ALDH1A2: variants seen among roughly 807,000 people sequenced by gnomAD.
ALDH1A2 encodes the protein retinal dehydrogenase 2.
In ALDH1A2, 27 loss-of-function variants were observed where a neutral mutation model predicts 60.3. The observed-to-expected ratio is 0.45, with a 90% confidence interval of 0.33 to 0.62. The LOEUF (loss-of-function observed/expected upper bound fraction) is 0.62, where lower values mean the gene tolerates loss of function less well. Among genes scored for constraint, ALDH1A2 ranks in the 20% least tolerant of loss-of-function variants. ALDH1A2 has a pLI of 0.02. For missense variants in ALDH1A2, 581 were observed against 643.8 expected (o/e 0.90, Z 1.06); for synonymous variants, 289 against 232.4 (o/e 1.24, Z -2.21).
At chr15:57,970,547 G>C (rs1037292457) in intron 7 of ALDH1A2, among the ~76,000 whole-genome samples, 3 of 152,144 alleles carry the variant, frequency 2.0e-5, no homozygotes, top group Non-Finnish European at 4.4e-5. Flanking sequence ...AAAATAATTT[G>C]TTATACAGGA....
intron 4 of ALDH1A2, among the ~76,000 whole-genome samples, chr15:57,998,434 A>G (rs1367878870): frequency 1.3e-5 from 2 of 152,002 alleles, no homozygotes; most frequent in Admixed American, 1.3e-4. Flanking sequence ...TAAATCATGA[A>G]TAAACTCCCA....
intron 1 of ALDH1A2, among the ~76,000 whole-genome samples, chr15:58,037,842 A>T (rs1223330347): frequency 6.6e-6 from 1 of 151,750 alleles, no homozygotes; most frequent in Admixed American, 6.6e-5. Flanking sequence ...GCAGTCTTTG[A>T]TCCACCTAGA....
intron 7 of ALDH1A2, among the ~76,000 whole-genome samples, chr15:57,974,130 A>T (rs1365730891): frequency 2.0e-5 from 3 of 152,206 alleles, no homozygotes; most frequent in African/African-American, 7.2e-5. Context: ...ACTGAAACAG[A>T]ACAGAGAGTA....
intron 7 of ALDH1A2, among the ~76,000 whole-genome samples, chr15:57,983,715 C>T (rs1426193111): frequency 6.6e-6 from 1 of 152,130 alleles, no homozygotes; most frequent in Non-Finnish European, 1.5e-5. Context: ...TCTCTTCTCT[C>T]CATGCTCCCA....
At chr15:57,958,741 C>T (rs974281050) in intron 12 of ALDH1A2, among the ~76,000 whole-genome samples, 1 of 152,152 alleles carries the variant, frequency 6.6e-6, no homozygotes, top group African/African-American at 2.4e-5. Flanking sequence ...CAAGACAGAG[C>T]AGCTTCTTTT....
chr15:58,061,789 A>G (rs1217126553), intron 1 of ALDH1A2, among the ~76,000 whole-genome samples: 2 of 152,104 alleles, frequency 1.3e-5, no homozygotes, highest in African/African-American at 2.4e-5. Flanking sequence ...GGATCAAACA[A>G]GATATATATG....
chr15:58,001,383 A>G (rs898136292), intron 4 of ALDH1A2, among the ~76,000 whole-genome samples: 1 of 151,912 alleles, frequency 6.6e-6, no homozygotes, highest in Non-Finnish European at 1.5e-5. Flanking sequence ...GTAAAAATAA[A>G]CAAAGAAAAA....
chr15:58,022,738 G>A (rs1275782350), intron 1 of ALDH1A2, among the ~76,000 whole-genome samples: 1 of 152,054 alleles, frequency 6.6e-6, no homozygotes. Context: ...GGAAATCACA[G>A]ATATCACTGA....
At chr15:57,978,017 T>G (rs1269904298) in intron 7 of ALDH1A2, among the ~76,000 whole-genome samples, 1 of 152,216 alleles carries the variant, frequency 6.6e-6, no homozygotes, top group Non-Finnish European at 1.5e-5. Context: ...TGTATAGGAA[T>G]ACTTGTGATT....
At chr15:58,062,846 G>T (rs892013935) in intron 1 of ALDH1A2, among the ~76,000 whole-genome samples, 6 of 152,266 alleles carry the variant, frequency 3.9e-5, no homozygotes, top group African/African-American at 1.2e-4. Flanking sequence ...AGTGGTAAGC[G>T]TATTTTAAAA....
intron 1 of ALDH1A2, among the ~76,000 whole-genome samples, chr15:58,015,567 A>G (rs529816689): frequency 5.3e-5 from 8 of 152,342 alleles, no homozygotes; most frequent in African/African-American, 1.7e-4. Flanking sequence ...TACCCAATAA[A>G]TACTCAGATA....
At chr15:58,017,873 C>A (rs893803679) in intron 1 of ALDH1A2, among the ~76,000 whole-genome samples, 2 of 151,888 alleles carry the variant, frequency 1.3e-5, no homozygotes, top group Non-Finnish European at 2.9e-5. Context: ...GCTATTTTTC[C>A]TGGTGTGCCA....
In ALDH1A2 at chr15:57,961,112, G is replaced by C. The variant is rs117694762; in HGVS notation, c.1409+25C>G. The stretch of plus-strand genomic sequence containing the variant: ...GGTCCCTATACCACCAGTGGAATTT[G>C]TTACAAGACTGACTCTGATCTTACC... On this transcript the variant is annotated intron_variant, in intron 11 of 12. Transcript: ENST00000249750. 28,797 of 1,612,982 alleles carry C rather than the reference G, an allele frequency of 0.018. 312 individuals carry two copies. The highest frequency in any genetic ancestry group is 0.022 in the Non-Finnish European group (26,393 of 1,179,438).
rs6493974 is a variant in ALDH1A2, at chr15:58,000,713, T to C, written c.494-5574A>G. 3.3e-3 allele frequency among the ~76,000 whole-genome samples: 500 copies of C among 152,030 alleles called. 3 individuals are homozygous for C. The highest frequency in any genetic ancestry group is 0.011 in the African/African-American group (465 of 41,512). On this transcript the variant is annotated intron_variant, in intron 4 of 12. Coordinates refer to ENST00000249750, the MANE Select transcript of ALDH1A2 (RefSeq NM_003888.4). ...GGATGCTATATGGTGATTCTCAAACTTGAATGTACACACTAAGCAACTGGA... is the reference window on the plus strand; with the variant it reads ...GGATGCTATATGGTGATTCTCAAACCTGAATGTACACACTAAGCAACTGGA...
chr15:58,032,699 A>T (rs577423919), intron 1 of ALDH1A2, among the ~76,000 whole-genome samples: 1 of 152,132 alleles, frequency 6.6e-6, no homozygotes, highest in East Asian at 1.9e-4. Context: ...AGCAAAAGAA[A>T]TCAATATATC....
rs59226967 is a variant in ALDH1A2, at chr15:58,032,789, AACACAC to A, written c.118-18514_118-18509del. Among the ~76,000 whole-genome samples the A allele has an allele frequency of 7.1e-3, 1,064 of 149,286 alleles. 13 individuals carry two copies. Among genetic ancestry groups the A allele is most frequent in the African/African-American group, 0.024 (977 of 40,788 alleles). ...TACAGAATCAACCAAAGTGCCCCTC[AACACAC>A]ACACACACACACACACACACGTGCG... On this transcript the variant is annotated intron_variant, in intron 1 of 12. Coordinates refer to ENST00000249750, the MANE Select transcript of ALDH1A2 (RefSeq NM_003888.4).
At chr15:57,981,087 T>G (rs947575265) in intron 7 of ALDH1A2, among the ~76,000 whole-genome samples, 2 of 152,166 alleles carry the variant, frequency 1.3e-5, no homozygotes, top group Admixed American at 1.3e-4. Flanking sequence ...TCTTATTGTG[T>G]CTATTTGATT....
intron 1 of ALDH1A2, among the ~76,000 whole-genome samples, chr15:58,045,751 G>C (rs1236943103): frequency 1.3e-5 from 2 of 151,910 alleles, no homozygotes; most frequent in African/African-American, 2.4e-5. Flanking sequence ...TCAGGGGATG[G>C]GGGGCTAAGT....
At chr15:57,971,503 G>A (rs1334018159) in intron 7 of ALDH1A2, among the ~76,000 whole-genome samples, 1 of 152,086 alleles carries the variant, frequency 6.6e-6, no homozygotes, top group African/African-American at 2.4e-5. Context: ...ATGGCTCACT[G>A]CATCCTTGAA....
Sources: allele counts gnomAD v4.1 joint callset (sites outside exome capture counted in the v4.1 genomes callset), GRCh38; gene constraint gnomAD v4.1.1; transcripts MANE v1.5; gene names NCBI Gene and HGNC (gene_info 2026-07-23, HGNC 2026-07-21).